The following ASIC2 variants were observed in gnomAD, a reference collection of about 807,000 sequenced individuals.
ASIC2 encodes the protein acid-sensing ion channel 2.
ASIC2 carries 25 observed loss-of-function variants against 57.3 expected under a neutral mutation model. The observed-to-expected ratio is 0.44, with a 90% CI of 0.32 to 0.61. The LOEUF (loss-of-function observed/expected upper bound fraction) is 0.61. ASIC2 is among the 20% of genes least tolerant of loss of function. The probability of loss-of-function intolerance (pLI) is 0.06; values close to 1 mark genes in which losing one functional copy is unlikely to be tolerated. For missense variants in ASIC2, 641 were observed against 738.1 expected, an observed-to-expected ratio of 0.87 and a Z score of 1.52; for synonymous variants, 319 against 307.5, an observed-to-expected ratio of 1.04 and a Z score of -0.39.
intron 1 of ASIC2, among the ~76,000 whole-genome samples, chr17:33,558,803 G>A (rs1327293611): frequency 3.4e-5 from 5 of 148,480 alleles, no homozygotes; most frequent in African/African-American, 4.9e-5. Flanking sequence ...TACTGTTGTT[G>A]TTTTTTTTTT....
intron 1 of ASIC2, among the ~76,000 whole-genome samples, chr17:33,940,530 CCCTTCCTTCCTTCCTTCTTTCCTT>C (rs1235584192): frequency 1.3e-5 from 2 of 151,992 alleles, no homozygotes; most frequent in African/African-American, 4.8e-5. Flanking sequence ...CCACATCCAT[CCCTTCCTTCCTTCCTTCTTTCCTT>C]CCTTCCTTCC....
At chr17:33,196,949 G>A (rs371670485) in intron 1 of ASIC2, among the ~76,000 whole-genome samples, 21 of 152,192 alleles carry the variant, frequency 1.4e-4, no homozygotes, top group African/African-American at 4.1e-4. Flanking sequence ...AGGGACACAC[G>A]TCTAAGTCCT....
intron 1 of ASIC2, among the ~76,000 whole-genome samples, chr17:33,496,101 C>A (rs1020821095): frequency 6.6e-6 from 1 of 152,106 alleles, no homozygotes; most frequent in Non-Finnish European, 1.5e-5. Flanking sequence ...GCCACCTGAT[C>A]GGCTTTATAA....
At chr17:33,823,403 T>C (rs1912807985) in intron 1 of ASIC2, among the ~76,000 whole-genome samples, 1 of 151,694 alleles carries the variant, frequency 6.6e-6, no homozygotes, top group Non-Finnish European at 1.5e-5. Context: ...TGGAAGTAGA[T>C]GTGTATCTCG....
chr17:33,193,586 G>A (rs1183141845), intron 1 of ASIC2, among the ~76,000 whole-genome samples: 1 of 152,176 alleles, frequency 6.6e-6, no homozygotes, highest in Non-Finnish European at 1.5e-5. Flanking sequence ...ATCCCCCTGG[G>A]GAGCAGTCCT....
intron 1 of ASIC2, chr17:34,039,173 T>G (rs1242419427): frequency 6.2e-7 from 1 of 1,613,928 alleles, no homozygotes; most frequent in Non-Finnish European, 8.5e-7. Flanking sequence ...TCATCTATTC[T>G]TCCCTCCTTC....
At chr17:33,734,472 C>T (rs1021700828) in intron 1 of ASIC2, among the ~76,000 whole-genome samples, 5 of 152,164 alleles carry the variant, frequency 3.3e-5, no homozygotes, top group Admixed American at 1.3e-4. Context: ...CCACACCACC[C>T]GCACTTCTGG....
At chr17:33,246,266 A>G (rs1475903045) in intron 1 of ASIC2, among the ~76,000 whole-genome samples, 1 of 152,132 alleles carries the variant, frequency 6.6e-6, no homozygotes, top group East Asian at 1.9e-4. Context: ...AGCGACTCCC[A>G]GGTTCCTGGC....
intron 1 of ASIC2, chr17:33,828,540 AG>A (rs1913011698): frequency 6.6e-6 from 1 of 152,216 alleles, no homozygotes; most frequent in South Asian, 2.1e-4. Flanking sequence ...GAATATATGA[AG>A]AGCTGGTGAA....
intron 1 of ASIC2, among the ~76,000 whole-genome samples, chr17:33,298,660 G>A (rs1483071668): frequency 6.6e-6 from 1 of 152,150 alleles, no homozygotes; most frequent in African/African-American, 2.4e-5. Context: ...CTAGATCCTT[G>A]AGGAATCACC....
At chr17:33,465,185 A>C (rs1912821218) in intron 1 of ASIC2, among the ~76,000 whole-genome samples, 1 of 152,038 alleles carries the variant, frequency 6.6e-6, no homozygotes, top group Admixed American at 6.6e-5. Context: ...TTTTGTTAGG[A>C]GCTTAAGGGA....
rs372774564 is a variant in ASIC2 at position 33,143,746 on chromosome 17, A to AC, written c.709-31680dup. Among the ~76,000 whole-genome samples the AC allele has an allele frequency of 5.9e-5, 9 of 151,326 alleles. No individual in the cohort carries two copies. In the South Asian group the frequency reaches 1.1e-3, roughly 18 times the overall value. ...TGGATAATCCAATTTTTCCAAAAAA[A>AC]CCCCCATAAAACAAAAAATCCAACC... On this transcript the variant is annotated intron_variant, in intron 1 of 9. Coordinates refer to ENST00000225823, the MANE Select transcript of ASIC2 (RefSeq NM_183377.2).
chr17:33,832,150 C>T (rs560752722), intron 1 of ASIC2, among the ~76,000 whole-genome samples: 14 of 152,342 alleles, frequency 9.2e-5, no homozygotes, highest in African/African-American at 3.4e-4. Flanking sequence ...GGACCTACAT[C>T]ATTGGTTAAG....
chr17:34,065,077 G>T (rs188155209), intron 1 of ASIC2, among the ~76,000 whole-genome samples: 1 of 152,264 alleles, frequency 6.6e-6, no homozygotes, highest in Admixed American at 6.5e-5. Context: ...ACTTGCATAT[G>T]CATGTTTATA....
At chr17:33,989,525 T>C (rs200486049) in intron 1 of ASIC2, among the ~76,000 whole-genome samples, 1 of 152,114 alleles carries the variant, frequency 6.6e-6, no homozygotes, top group East Asian at 1.9e-4. Flanking sequence ...GGAGAGAATA[T>C]ACTCTTTTGT....
chr17:33,078,337 G>A (rs557157241), intron 3 of ASIC2, among the ~76,000 whole-genome samples: 3 of 152,336 alleles, frequency 2.0e-5, no homozygotes, highest in African/African-American at 4.8e-5. Context: ...TGCCATGTCA[G>A]CACCATTTCT....
At chr17:34,134,202 T>G (rs1332902931) in intron 1 of ASIC2, among the ~76,000 whole-genome samples, 1 of 152,208 alleles carries the variant, frequency 6.6e-6, no homozygotes, top group Non-Finnish European at 1.5e-5. Flanking sequence ...CATGTTGTAG[T>G]TGGCATCAGA....
At chr17:33,514,858 G>A (rs1914520643) in intron 1 of ASIC2, among the ~76,000 whole-genome samples, 1 of 152,178 alleles carries the variant, frequency 6.6e-6, no homozygotes, top group African/African-American at 2.4e-5. Context: ...CCTTGGCTGT[G>A]TGGCCATAGA....
chr17:33,289,983 C>T (rs774383613), intron 1 of ASIC2, among the ~76,000 whole-genome samples: 4 of 152,176 alleles, frequency 2.6e-5, no homozygotes, highest in Non-Finnish European at 5.9e-5. Flanking sequence ...GCTTGGAGTC[C>T]TGGAAGAAAT....
Sources: gnomAD v4.1 joint callset for allele counts (sites outside exome capture counted in the v4.1 genomes callset) on GRCh38, gnomAD v4.1.1 for gene constraint, MANE v1.5 for transcripts, NCBI Gene and HGNC (gene_info 2026-07-23, HGNC 2026-07-21) for gene names.